SLC5A12: variants seen among roughly 807,000 people sequenced by gnomAD.
SLC5A12 encodes sodium-coupled monocarboxylate transporter 2.
Under a neutral mutation model 72.7 loss-of-function variants are expected in SLC5A12, and 46 were observed. The ratio of observed to expected loss-of-function variants is 0.63; its 90% CI spans 0.50 to 0.81. The LOEUF is 0.81. Among genes scored for constraint, SLC5A12 ranks in the 30% least tolerant of loss-of-function variants. The pLI is 0.00. For missense variants in SLC5A12, 683 were observed against 740.7 expected, an observed-to-expected ratio of 0.92 and a Z score of 0.90; for synonymous variants, 275 against 264.4, an observed-to-expected ratio of 1.04 and a Z score of -0.39.
chr11:26,684,964 C>G (rs1159124052), intron 10 of SLC5A12, among the ~76,000 whole-genome samples: 2 of 152,194 alleles, frequency 1.3e-5, no homozygotes, highest in African/African-American at 4.8e-5. Context: ...CTTGCCACTT[C>G]TGCTGTGTAG....
At chr11:26,697,077 A>G in intron 8 of SLC5A12, 87 bp downstream of exon 8, 1 of 1,108,554 alleles carries the variant, frequency 9.0e-7, no homozygotes, top group Non-Finnish European at 1.3e-6. Context: ...ACACACAGTG[A>G]GTGCTTGCTA....
chr11:26,672,611 T>A (rs1438720697), intron 14 of SLC5A12, among the ~76,000 whole-genome samples: 1 of 152,104 alleles, frequency 6.6e-6, no homozygotes, highest in Non-Finnish European at 1.5e-5. Flanking sequence ...AAAAGACATG[T>A]TCTTCCTCCC....
intron 3 of SLC5A12, 23 bp from the exon 4 acceptor site, chr11:26,709,402 T>G (rs1410305997): frequency 6.3e-7 from 1 of 1,575,684 alleles, no homozygotes; most frequent in Non-Finnish European, 8.7e-7. Context: ...AAAAAAATAT[T>G]AAAAGAAGTT....
At chr11:26,694,800 A>G (rs1456643252) in intron 8 of SLC5A12, among the ~76,000 whole-genome samples, 1 of 152,204 alleles carries the variant, frequency 6.6e-6, no homozygotes, top group African/African-American at 2.4e-5. Context: ...TTCTAAAATT[A>G]GCATAAATAC....
chr11:26,671,377 C>G (rs1488417859), intron 14 of SLC5A12, 126 bp from the exon 15 acceptor site: 1 of 682,262 alleles, frequency 1.5e-6, no homozygotes, highest in African/African-American at 1.8e-5. Context: ...GCATAAACAA[C>G]TCTGACCTAA....
At position 26,667,757 on chromosome 11, in the gene SLC5A12, T is replaced by A. The variant is rs1156491914; in HGVS notation, c.*3345A>T. 2 of 152,000 alleles carry A rather than the reference T, an allele frequency of 1.3e-5. No homozygotes were observed. The highest frequency in any genetic ancestry group is 2.9e-5 in the Non-Finnish European group (2 of 67,958). The allele number at this position is 152,000 out of a possible 1,614,324, so 9.4% of individuals were successfully genotyped here. A position where few individuals can be genotyped will look rare whatever the true frequency, so the allele number is the denominator to read the frequency against. ...AGTTACTCTCTGGAAAATAATATTTTATTTAAACTCTGGCATTAAAAAAAC... is the reference window on the plus strand; with the variant it reads ...AGTTACTCTCTGGAAAATAATATTTAATTTAAACTCTGGCATTAAAAAAAC... On this transcript the variant is annotated 3_prime_UTR_variant, in exon 15 of 15. Transcript: ENST00000396005.
At chr11:26,695,962 C>G (rs1402262847) in intron 8 of SLC5A12, among the ~76,000 whole-genome samples, 1 of 152,142 alleles carries the variant, frequency 6.6e-6, no homozygotes, top group Admixed American at 6.6e-5. Flanking sequence ...TGTAAATGTT[C>G]CTGCTTGTGC....
Position 26,683,807 on chromosome 11 carries a change from T to A in SLC5A12, c.1258A>T (p.Met420Leu). The A allele has an allele frequency of 6.3e-7, 1 of 1,599,222 alleles. No homozygotes were observed. Among genetic ancestry groups the A allele is most frequent in the Non-Finnish European group, 8.5e-7 (1 of 1,173,364 alleles). ...ATTCCCAGGGAGAATAAGCCCAGCATTGGTCCTCCACACATGCCGTGAATG... is the reference window on the plus strand; with the variant it reads ...ATTCCCAGGGAGAATAAGCCCAGCAATGGTCCTCCACACATGCCGTGAATG... ...LSIHGMCGGP[M>L]LGLFSLGIVF... The change falls in exon 11 of 15, where the codon ATG becomes TTG. Residue 420 changes from methionine to leucine, a missense_variant. Transcript: ENST00000396005.
chr11:26,695,514 T>C (rs7945210), intron 8 of SLC5A12, among the ~76,000 whole-genome samples: 20,306 of 152,080 alleles, frequency 0.13, 1,696 homozygotes, highest in African/African-American at 0.24. Context: ...AGAAACCTTT[T>C]TGAGAATGAT....
chr11:26,700,851 G>A lies in SLC5A12; in HGVS notation c.822-2316C>T, dbSNP rs144305420. ...CACATTTCTGGTCATGAAACCAAAT[G>A]CATGTATATGAGCCACTCCTGATTC... On this transcript the variant is annotated intron_variant, in intron 6 of 14. Coordinates refer to ENST00000396005, the MANE Select transcript of SLC5A12 (RefSeq NM_178498.4). 2.0e-3 allele frequency among the ~76,000 whole-genome samples: 302 copies of A among 152,302 alleles called. 2 individuals are homozygous for A. The highest frequency in any genetic ancestry group is 7.1e-3 in the African/African-American group (293 of 41,552).
Position 26,671,241 on chromosome 11 carries a change from T to G in SLC5A12, c.1718A>C (p.Glu573Ala). ...HDSGTEQENL[E>A]NGSARKQGAE... is the part of the protein sequence containing the mutation. ...CCCCTGTTTCCGGGCACTGCCATTC[T>G]CAAGGTTTTCCTGAGGGAAATACAA... The change falls in exon 15 of 15, where the codon GAG becomes GCG. Residue 573 changes from glutamate (E) to alanine (A), a missense_variant. Transcript: ENST00000396005. 1 of 1,598,080 alleles carries G rather than the reference T, an allele frequency of 6.3e-7. No homozygotes were observed. Among genetic ancestry groups the G allele is most frequent in the South Asian group, 1.1e-5 (1 of 88,370 alleles).
At chr11:26,716,922 C>T (rs948712365) in intron 1 of SLC5A12, among the ~76,000 whole-genome samples, 2 of 152,088 alleles carry the variant, frequency 1.3e-5, no homozygotes, top group African/African-American at 4.8e-5. Context: ...CATGTCACTT[C>T]CCTTCCCAAA....
intron 13 of SLC5A12, among the ~76,000 whole-genome samples, chr11:26,674,679 A>T (rs1391051930): frequency 6.6e-6 from 1 of 152,166 alleles, no homozygotes; most frequent in Non-Finnish European, 1.5e-5. Flanking sequence ...CTGTGATTAT[A>T]GATGTTAGCC....
At chr11:26,716,727 G>T (rs2133222372) in intron 1 of SLC5A12, among the ~76,000 whole-genome samples, 2 of 151,958 alleles carry the variant, frequency 1.3e-5, no homozygotes, top group South Asian at 4.2e-4. Context: ...AAGAAATCTG[G>T]GTGCTTGCCC....
Position 26,667,292 on chromosome 11 carries a change from A to G in SLC5A12, c.*3810T>C, listed in dbSNP as rs924343726. On this transcript the variant is annotated 3_prime_UTR_variant, in exon 15 of 15. Transcript: ENST00000396005. ...AAAACAATTTATTTCAAAGGGAACA[A>G]TTAAGGGGAGACTCCTCTATTTTTT... 6.6e-6 allele frequency: 1 copy of G among 151,926 alleles called. No homozygotes were observed. The highest frequency in any genetic ancestry group is 1.5e-5 in the Non-Finnish European group (1 of 67,860). 9.4% of individuals were successfully genotyped at this position (151,926 alleles called of 1,614,324 possible). A position where few individuals can be genotyped will look rare whatever the true frequency, so the allele number is the denominator to read the frequency against.
At position 26,697,961 on chromosome 11, in the gene SLC5A12, G is replaced by C. The variant is rs549144636; in HGVS notation, c.951+445C>G. 2.4e-4 allele frequency among the ~76,000 whole-genome samples: 32 copies of C among 135,150 alleles called. No individual in the cohort carries two copies. The South Asian group carries it at 8.1e-3, about 34-fold the overall frequency. 88.7% of individuals were successfully genotyped at this position (135,150 alleles called of 152,430 possible). Reference sequence around the variant, plus strand: ...CGCCCAGGCTGGAGTGCAGTGGCACGATCTTGGCTCACTGCAACCTCTGCC... The same window carrying C: ...CGCCCAGGCTGGAGTGCAGTGGCACCATCTTGGCTCACTGCAACCTCTGCC... On this transcript the variant is annotated intron_variant, in intron 7 of 14. Transcript: ENST00000396005.
At chr11:26,708,511 A>T (rs547389318) in intron 4 of SLC5A12, among the ~76,000 whole-genome samples, 1 of 152,252 alleles carries the variant, frequency 6.6e-6, no homozygotes, top group East Asian at 1.9e-4. Flanking sequence ...ATATGCACAT[A>T]ACACCAAAAT....
At chr11:26,721,195 T>C (rs577868528) in intron 1 of SLC5A12, among the ~76,000 whole-genome samples, 181 bp downstream of exon 1, 2 of 152,316 alleles carry the variant, frequency 1.3e-5, no homozygotes, top group South Asian at 2.1e-4. Flanking sequence ...TTATTTTCCT[T>C]CTACAGATGG....
rs1257151879 is a variant in SLC5A12 at position 26,697,310 on chromosome 11, A to C, written c.952-58T>G. On this transcript the variant is annotated intron_variant, in intron 7 of 14. Transcript: ENST00000396005. ...AAAAAGAAGAAAGAAAGAAAAGAAAAGAGAAGAGAGAGAAAAAAATAGGAT... is the reference window on the plus strand; with the variant it reads ...AAAAAGAAGAAAGAAAGAAAAGAAACGAGAAGAGAGAGAAAAAAATAGGAT... The C allele has an allele frequency of 2.0e-5, 29 of 1,454,444 alleles. 1 individual carries two copies. The highest frequency in any genetic ancestry group is 9.4e-7 in the Non-Finnish European group (1 of 1,060,686). The allele number at this position is 1,454,444 out of a possible 1,614,324, so 90.1% of individuals were successfully genotyped here.
Sources: gnomAD v4.1 joint callset for allele counts (sites outside exome capture counted in the v4.1 genomes callset) on GRCh38, gnomAD v4.1.1 for gene constraint, MANE v1.5 for transcripts, NCBI Gene and HGNC (gene_info 2026-07-23, HGNC 2026-07-21) for gene names.